The following NUDT9 variants were observed in gnomAD, a reference collection of about 807,000 sequenced individuals.
The protein encoded by NUDT9 is nudix hydrolase 9, also known as ADP-ribose pyrophosphatase.
Under a neutral mutation model 41.0 loss-of-function variants are expected in NUDT9, and 31 were observed. That is an observed-to-expected ratio of 0.76 (90% CI 0.57 to 1.02). The LOEUF is 1.02. Among genes scored for constraint, NUDT9 ranks in the 50% least tolerant of loss-of-function variants. NUDT9 has a pLI of 0.00. For missense variants in NUDT9, 380 were observed against 431.4 expected, an observed-to-expected ratio of 0.88 and a Z score of 1.06; for synonymous variants, 146 against 147.6, an observed-to-expected ratio of 0.99 and a Z score of 0.08.
At chr4:87,429,002 A>G (rs953460727) in intron 1 of NUDT9, among the ~76,000 whole-genome samples, 5 of 152,196 alleles carry the variant, frequency 3.3e-5, no homozygotes, top group Admixed American at 6.5e-5. Flanking sequence ...ATGGAATTGT[A>G]CACGTAAAAT....
chr4:87,425,004 A>C (rs1219260730), intron 1 of NUDT9, among the ~76,000 whole-genome samples: 1 of 152,184 alleles, frequency 6.6e-6, no homozygotes, highest in Non-Finnish European at 1.5e-5. Flanking sequence ...AGCTGAGATC[A>C]TGCCACTGCA....
chr4:87,437,363 T>C (rs569198241), intron 2 of NUDT9, among the ~76,000 whole-genome samples: 45 of 152,092 alleles, frequency 3.0e-4, no homozygotes, highest in Middle Eastern at 3.4e-3. Context: ...TTTTTCGAGA[T>C]GGAGTCTCGC....
chr4:87,431,309 T>C (rs1721678135), intron 1 of NUDT9, among the ~76,000 whole-genome samples: 1 of 152,228 alleles, frequency 6.6e-6, no homozygotes, highest in Non-Finnish European at 1.5e-5. Flanking sequence ...TGTATGCCAG[T>C]ATCTCAGTGT....
chr4:87,428,353 A>G (rs929390709), intron 1 of NUDT9, among the ~76,000 whole-genome samples: 1 of 152,230 alleles, frequency 6.6e-6, no homozygotes, highest in East Asian at 1.9e-4. Context: ...CTCAACACTT[A>G]TAATTCAGCA....
chr4:87,442,234 C>T (rs1722235191), intron 4 of NUDT9, among the ~76,000 whole-genome samples: 1 of 152,162 alleles, frequency 6.6e-6, no homozygotes, highest in African/African-American at 2.4e-5. Flanking sequence ...CAAGCCTGTA[C>T]AGCATGTTAC....
chr4:87,457,414 T>C (rs962303981), intron 7 of NUDT9, among the ~76,000 whole-genome samples: 1 of 151,978 alleles, frequency 6.6e-6, no homozygotes, highest in East Asian at 1.9e-4. Context: ...TTTTTGTATT[T>C]TTAGTAGAGA....
chr4:87,449,104 G>A, intron 4 of NUDT9, 38 bp from the exon 5 acceptor site: 1 of 1,226,796 alleles, frequency 8.2e-7, no homozygotes, highest in Non-Finnish European at 1.2e-6. Context: ...CTTAGTTTTT[G>A]TTGTAAATCC....
At chr4:87,426,120 G>A (rs565173942) in intron 1 of NUDT9, among the ~76,000 whole-genome samples, 2 of 152,228 alleles carry the variant, frequency 1.3e-5, no homozygotes, top group South Asian at 2.1e-4. Context: ...GTCATCAAAT[G>A]TACATTTTCT....
At chr4:87,429,382 A>G (rs1437019236) in intron 1 of NUDT9, among the ~76,000 whole-genome samples, 1 of 152,108 alleles carries the variant, frequency 6.6e-6, no homozygotes, top group Admixed American at 6.5e-5. Flanking sequence ...TTGAACTCCT[A>G]GCTTCAAGCA....
intron 4 of NUDT9, 27 bp from the exon 5 acceptor site, chr4:87,449,115 G>A (rs776513693): frequency 6.0e-6 from 8 of 1,323,518 alleles, no homozygotes; most frequent in South Asian, 2.4e-5. Flanking sequence ...TTGTAAATCC[G>A]TTATGATTTT....
intron 5 of NUDT9, among the ~76,000 whole-genome samples, 155 bp from the exon 6 acceptor site, chr4:87,451,434 G>C (rs1722703183): frequency 6.6e-6 from 1 of 152,204 alleles, no homozygotes. Context: ...CCTTCTACTA[G>C]CAACAGATGG....
intron 4 of NUDT9, among the ~76,000 whole-genome samples, chr4:87,447,888 T>C (rs1441021347): frequency 6.6e-6 from 1 of 151,806 alleles, no homozygotes; most frequent in Non-Finnish European, 1.5e-5. Flanking sequence ...AAAAATTAGC[T>C]GGGCATGGTG....
chr4:87,441,694 A>G lies in NUDT9; in HGVS notation c.444-135A>G, dbSNP rs1316446873. 8 of 731,570 alleles carry G rather than the reference A, an allele frequency of 1.1e-5. No individual in the cohort carries two copies. In the Admixed American group the frequency reaches 1.8e-4, roughly 16 times the overall value. 45.3% of individuals were successfully genotyped at this position (731,570 alleles called of 1,614,324 possible). A position where few individuals can be genotyped will look rare whatever the true frequency, so the allele number is the denominator to read the frequency against. ...ATGAAATACATGACTTCAGCACCAG[A>G]TATGTGATAGTTCCATTGGATTTGT... On this transcript the variant is annotated intron_variant, in intron 3 of 7. Transcript: ENST00000302174.
intron 4 of NUDT9, among the ~76,000 whole-genome samples, chr4:87,444,878 G>C (rs925545540): frequency 6.6e-6 from 1 of 152,146 alleles, no homozygotes; most frequent in Non-Finnish European, 1.5e-5. Flanking sequence ...GCTTTCAACT[G>C]TACTCTTAAG....
At chr4:87,447,476 GTT>G (rs11310721) in intron 4 of NUDT9, among the ~76,000 whole-genome samples, 12 of 143,182 alleles carry the variant, frequency 8.4e-5, no homozygotes, top group East Asian at 4.1e-4. Context: ...AGCATTGGAA[GTT>G]TTTTTTTTTT....
chr4:87,442,463 AGTTTATAAACACTGCATACTTAG>A (rs1722245357), intron 4 of NUDT9, among the ~76,000 whole-genome samples: 7 of 152,234 alleles, frequency 4.6e-5, no homozygotes, highest in Admixed American at 1.3e-4. Context: ...CCTATTGTAG[AGTTTATAAACACTGCATACTTAG>A]GCTACACCAA....
chr4:87,430,066 C>T (rs116330620), intron 1 of NUDT9, among the ~76,000 whole-genome samples: 2,174 of 152,130 alleles, frequency 0.014, 48 homozygotes, highest in African/African-American at 0.05. Flanking sequence ...GAAGGTGCGC[C>T]TGATTTAATT....
chr4:87,432,262 A>G (rs952068390), intron 1 of NUDT9, among the ~76,000 whole-genome samples: 5 of 152,174 alleles, frequency 3.3e-5, no homozygotes, highest in East Asian at 3.8e-4. Flanking sequence ...TATGTTTTAT[A>G]TATACTTTAA....
chr4:87,443,254 C>A (rs1722293035), intron 4 of NUDT9, among the ~76,000 whole-genome samples: 1 of 149,486 alleles, frequency 6.7e-6, no homozygotes, highest in South Asian at 2.1e-4. Context: ...ACTATACACA[C>A]ACACACATGC....
Sources: allele counts gnomAD v4.1 joint callset (sites outside exome capture counted in the v4.1 genomes callset), GRCh38; gene constraint gnomAD v4.1.1; transcripts MANE v1.5; gene names NCBI Gene and HGNC (gene_info 2026-07-23, HGNC 2026-07-21).